The following SLC10A7 variants were observed in gnomAD, a reference collection of about 807,000 sequenced individuals.
SLC10A7 encodes sodium/bile acid cotransporter 7.
SLC10A7 carries 29 observed loss-of-function variants against 43.2 expected under a neutral mutation model. That is an observed-to-expected ratio of 0.67 (90% CI 0.50 to 0.92). The LOEUF (loss-of-function observed/expected upper bound fraction) is 0.92, where lower values mean the gene tolerates loss of function less well. Ranked by LOEUF, SLC10A7 falls within the 40% of genes least tolerant of loss-of-function variation. SLC10A7 has a pLI of 0.00. For missense variants in SLC10A7, 295 were observed against 403.2 expected (o/e 0.73, Z 2.30); for synonymous variants, 152 against 144.8 (o/e 1.05, Z -0.35).
intron 5 of SLC10A7, among the ~76,000 whole-genome samples, chr4:146,332,929 A>T (rs1184315329): frequency 6.6e-6 from 1 of 152,160 alleles, no homozygotes; most frequent in Non-Finnish European, 1.5e-5. Flanking sequence ...GATCCCATTA[A>T]AGCAATGTCA....
At chr4:146,442,208 C>T in intron 5 of SLC10A7, 1 of 963,700 alleles carries the variant, frequency 1.0e-6, no homozygotes, top group Non-Finnish European at 1.2e-6. Context: ...ATTGGTTCTA[C>T]TTATGAAAGC....
At chr4:146,427,444 G>C (rs981236055) in intron 5 of SLC10A7, among the ~76,000 whole-genome samples, 1 of 152,002 alleles carries the variant, frequency 6.6e-6, no homozygotes, top group African/African-American at 2.4e-5. Flanking sequence ...TTTTAAGCTG[G>C]AAATTTAACC....
chr4:146,358,894 G>A (rs1735848122), intron 5 of SLC10A7, among the ~76,000 whole-genome samples: 1 of 152,096 alleles, frequency 6.6e-6, no homozygotes, highest in Non-Finnish European at 1.5e-5. Context: ...ACACCTGAGA[G>A]TAGAACTCCT....
At chr4:146,370,231 A>C (rs1028183285) in intron 5 of SLC10A7, among the ~76,000 whole-genome samples, 1 of 152,156 alleles carries the variant, frequency 6.6e-6, no homozygotes, top group African/African-American at 2.4e-5. Context: ...CAGAGTAACA[A>C]ATTCCTTTCT....
chr4:146,482,840 A>C (rs1237826940), intron 4 of SLC10A7, among the ~76,000 whole-genome samples: 1 of 152,194 alleles, frequency 6.6e-6, no homozygotes, highest in Non-Finnish European at 1.5e-5. Context: ...CTTTAAAAGC[A>C]ACAAAAGAGT....
rs116416452 is a variant in SLC10A7, at chr4:146,479,100, C to T, written c.396+24749G>A. On this transcript the variant is annotated intron_variant, in intron 4 of 11. Transcript: ENST00000335472. ...AATATCACATTTTACCTGTTTCTAACATATAATTACAGATTTGGATAATGT... is the reference window on the plus strand; with the variant it reads ...AATATCACATTTTACCTGTTTCTAATATATAATTACAGATTTGGATAATGT... Among the ~76,000 whole-genome samples, 526 of 152,174 alleles carry T rather than the reference C, an allele frequency of 3.5e-3. 3 individuals are homozygous for T. Among genetic ancestry groups the T allele is most frequent in the African/African-American group, 0.012 (512 of 41,522 alleles).
chr4:146,422,364 A>G (rs1729024795), intron 5 of SLC10A7, among the ~76,000 whole-genome samples: 1 of 152,198 alleles, frequency 6.6e-6, no homozygotes. Flanking sequence ...AGGCCATACC[A>G]TAGGCCAAAT....
At chr4:146,335,147 GT>G (rs1214186836) in intron 5 of SLC10A7, among the ~76,000 whole-genome samples, 3 of 144,120 alleles carry the variant, frequency 2.1e-5, no homozygotes, top group Non-Finnish European at 4.5e-5. Flanking sequence ...GAAGGTTTTT[GT>G]TTTGTTTTGT....
chr4:146,344,664 T>C (rs1030912211), intron 5 of SLC10A7, among the ~76,000 whole-genome samples: 2 of 152,058 alleles, frequency 1.3e-5, no homozygotes, highest in African/African-American at 4.8e-5. Context: ...AGTTATATAG[T>C]GGAGTTTTCC....
chr4:146,328,916 T>TG (rs1733345294), intron 5 of SLC10A7, among the ~76,000 whole-genome samples: 1 of 152,138 alleles, frequency 6.6e-6, no homozygotes, highest in African/African-American at 2.4e-5. Context: ...CAAGAAAACA[T>TG]GACACCTTCA....
chr4:146,429,301 G>A (rs559297704), intron 5 of SLC10A7, among the ~76,000 whole-genome samples: 63 of 152,206 alleles, frequency 4.1e-4, no homozygotes, highest in African/African-American at 1.4e-3. Flanking sequence ...GATAATTAGC[G>A]TACATTTTAA....
chr4:146,294,025 A>G lies in SLC10A7; in HGVS notation c.626T>C (p.Val209Ala). 1 of 1,611,856 alleles carries G rather than the reference A, an allele frequency of 6.2e-7. No homozygotes were observed. Among genetic ancestry groups the G allele is most frequent in the Non-Finnish European group, 8.5e-7 (1 of 1,178,538 alleles). Residue 209 changes from valine (V) to alanine (A), a missense_variant, in exon 8 of 12, where the codon GTA becomes GCA. Transcript: ENST00000335472. ...KPPFGAISSS[V>A]LLMIIYTTFC... ...TGTTGTGTAGATGATCATGAGGAGT[A>G]CACTGCTGCTGATAGCACCAAAAGG...
At chr4:146,422,878 T>C (rs1270748147) in intron 5 of SLC10A7, among the ~76,000 whole-genome samples, 1 of 152,154 alleles carries the variant, frequency 6.6e-6, no homozygotes, top group African/African-American at 2.4e-5. Context: ...CAACCGCCCA[T>C]ATTTTAGCCA....
At chr4:146,510,151 GT>G (rs1737320756) in intron 2 of SLC10A7, 102 bp from the exon 3 acceptor site, 3 of 1,094,998 alleles carry the variant, frequency 2.7e-6, no homozygotes, top group Admixed American at 6.6e-5. Context: ...TTAATTTTGG[GT>G]TTTTTCATAG....
At chr4:146,360,175 C>G (rs1181865132) in intron 5 of SLC10A7, among the ~76,000 whole-genome samples, 1 of 152,098 alleles carries the variant, frequency 6.6e-6, no homozygotes, top group African/African-American at 2.4e-5. Context: ...ATATTTGCTT[C>G]TCCTTATTCT....
At chr4:146,424,121 G>C (rs1317239239) in intron 5 of SLC10A7, among the ~76,000 whole-genome samples, 1 of 152,120 alleles carries the variant, frequency 6.6e-6, no homozygotes, top group Admixed American at 6.5e-5. Flanking sequence ...GCAGAATCAC[G>C]GCTCACTGCA....
intron 10 of SLC10A7, among the ~76,000 whole-genome samples, chr4:146,262,125 A>G (rs1728267760): frequency 6.6e-6 from 1 of 152,120 alleles, no homozygotes; most frequent in Admixed American, 6.5e-5. Flanking sequence ...AAATCTATTT[A>G]TCTCAACCTT....
intron 5 of SLC10A7, among the ~76,000 whole-genome samples, chr4:146,423,361 T>C (rs1729095633): frequency 6.6e-6 from 1 of 152,176 alleles, no homozygotes; most frequent in Non-Finnish European, 1.5e-5. Flanking sequence ...CCCTGCAGAG[T>C]ATAACTTGGG....
At chr4:146,370,050 T>TA (rs1013156495) in intron 5 of SLC10A7, among the ~76,000 whole-genome samples, 12 of 151,458 alleles carry the variant, frequency 7.9e-5, no homozygotes, top group East Asian at 1.9e-4. Flanking sequence ...AAGCTGAAAG[T>TA]AAAAAAAAAT....
Sources: allele counts gnomAD v4.1 joint callset (sites outside exome capture counted in the v4.1 genomes callset), GRCh38; gene constraint gnomAD v4.1.1; transcripts MANE v1.5; gene names NCBI Gene and HGNC (gene_info 2026-07-23, HGNC 2026-07-21).